Variants in RERE observed in about 807,000 individuals in gnomAD.
RERE encodes the protein arginine-glutamic acid dipeptide repeats.
In RERE, 40 loss-of-function variants were observed where a neutral mutation model predicts 146.1. The observed-to-expected ratio is 0.27, with a 90% CI of 0.21 to 0.36. The LOEUF is 0.36. Ranked by LOEUF, RERE falls within the 10% of genes least tolerant of loss-of-function variation. The pLI is 1.00. For synonymous variants in RERE, 1,003 were observed against 866.0 expected (o/e 1.16, Z -2.78); for missense variants, 1,933 against 2,138.7 (o/e 0.90, Z 1.90).
chr1:8,451,656 C>T (rs939226453), intron 11 of RERE, among the ~76,000 whole-genome samples: 2 of 152,078 alleles, frequency 1.3e-5, no homozygotes, highest in African/African-American at 2.4e-5. Flanking sequence ...TGCTGTACAC[C>T]GACAGCTCTC....
intron 2 of RERE, among the ~76,000 whole-genome samples, chr1:8,647,641 A>ATATGTGTGTG (rs371893375): frequency 0.18 from 26,419 of 148,484 alleles, 3,049 homozygotes; most frequent in East Asian, 0.51. Flanking sequence ...TAAAATATGT[A>ATATGTGTGTG]TGTGTGTGTG....
At chr1:8,464,851 T>C (rs1644576066) in intron 11 of RERE, 1 of 152,238 alleles carries the variant, frequency 6.6e-6, no homozygotes, top group African/African-American at 2.4e-5. Flanking sequence ...CATACTCATT[T>C]ATGAAGGTCT....
chr1:8,355,727 T>C lies in RERE; in HGVS notation c.4487-128A>G, dbSNP rs1037467454. 108 of 803,078 alleles carry C rather than the reference T, an allele frequency of 1.3e-4. 1 individual carries two copies. The highest frequency in any genetic ancestry group is 2.1e-5 in the Non-Finnish European group (11 of 535,304). 49.7% of individuals were successfully genotyped at this position (803,078 alleles called of 1,614,324 possible). A position where few individuals can be genotyped will look rare whatever the true frequency, so the allele number is the denominator to read the frequency against. ...CAGTTCGGACACAGGAGCCAGCCCCTCCCAGACTCTGCAGACAGCCAGAGG... is the reference window on the plus strand; with the variant it reads ...CAGTTCGGACACAGGAGCCAGCCCCCCCCAGACTCTGCAGACAGCCAGAGG... On this transcript the variant is annotated intron_variant, in intron 21 of 22. Transcript: ENST00000400908.
At chr1:8,592,221 T>C (rs1646503340) in intron 4 of RERE, among the ~76,000 whole-genome samples, 1 of 152,038 alleles carries the variant, frequency 6.6e-6, no homozygotes, top group Non-Finnish European at 1.5e-5. Context: ...TGCATTTACA[T>C]GCAAGACATA....
chr1:8,799,827 T>TC (rs1295098383), intron 1 of RERE, among the ~76,000 whole-genome samples: 1 of 151,956 alleles, frequency 6.6e-6, no homozygotes, highest in East Asian at 1.9e-4. Flanking sequence ...TTTGCTTTTT[T>TC]TTAAGATGGA....
chr1:8,747,038 G>A (rs1640435836), intron 1 of RERE, among the ~76,000 whole-genome samples: 1 of 151,788 alleles, frequency 6.6e-6, no homozygotes, highest in African/African-American at 2.4e-5. Context: ...TTGAGACGGA[G>A]TCTCGCTCTG....
At chr1:8,473,616 C>A (rs542890256) in intron 10 of RERE, among the ~76,000 whole-genome samples, 1 of 152,296 alleles carries the variant, frequency 6.6e-6, no homozygotes, top group South Asian at 2.1e-4. Flanking sequence ...CTGGGTGCTA[C>A]AATAAATTAA....
chr1:8,794,865 T>A (rs1641437312), intron 1 of RERE, among the ~76,000 whole-genome samples: 1 of 151,856 alleles, frequency 6.6e-6, no homozygotes, highest in Non-Finnish European at 1.5e-5. Flanking sequence ...CAGGTTGGAG[T>A]GCAGTGGTGC....
intron 3 of RERE, among the ~76,000 whole-genome samples, chr1:8,620,849 A>T (rs1222192093): frequency 6.6e-6 from 1 of 151,826 alleles, no homozygotes; most frequent in Non-Finnish European, 1.5e-5. Context: ...ATTCAAACAA[A>T]ATCAGACCTC....
chr1:8,515,081 C>A (rs1342652054), intron 7 of RERE, among the ~76,000 whole-genome samples: 1 of 152,316 alleles, frequency 6.6e-6, no homozygotes, highest in East Asian at 1.9e-4. Context: ...GTGTTCAAAG[C>A]AACACAGCAC....
intron 8 of RERE, among the ~76,000 whole-genome samples, chr1:8,498,811 T>C (rs895666180): frequency 5.2e-5 from 7 of 135,666 alleles, no homozygotes; most frequent in African/African-American, 2.0e-4. Flanking sequence ...ATCAGGGCAG[T>C]GATTTCTTTA....
intron 2 of RERE, among the ~76,000 whole-genome samples, chr1:8,635,947 T>C (rs1890572): frequency 0.025 from 2,697 of 108,296 alleles, 99 homozygotes; most frequent in Admixed American, 0.11. Flanking sequence ...ATTATTTTAT[T>C]TTATCTTATC....
intron 12 of RERE, among the ~76,000 whole-genome samples, chr1:8,397,728 T>TA (rs2124435289): frequency 6.6e-6 from 1 of 152,242 alleles, no homozygotes; most frequent in South Asian, 2.1e-4. Context: ...TCCTCCCCCA[T>TA]ATGCAGTAAG....
chr1:8,508,342 C>T (rs1477731968), intron 8 of RERE, among the ~76,000 whole-genome samples: 1 of 152,094 alleles, frequency 6.6e-6, no homozygotes, highest in Admixed American at 6.5e-5. Flanking sequence ...TTACTGTTTA[C>T]GGGTACAGAA....
At chr1:8,503,243 C>T (rs1458063363) in intron 8 of RERE, among the ~76,000 whole-genome samples, 1 of 151,918 alleles carries the variant, frequency 6.6e-6, no homozygotes, top group Admixed American at 6.6e-5. Flanking sequence ...CACATAAAGC[C>T]ACGAAAAAAA....
chr1:8,686,680 GT>G (rs1227858586), intron 1 of RERE, among the ~76,000 whole-genome samples: 2 of 152,184 alleles, frequency 1.3e-5, no homozygotes, highest in Non-Finnish European at 2.9e-5. Flanking sequence ...AACCCGGGAG[GT>G]GGCGGTTGCA....
chr1:8,400,261 T>C (rs1436771146), intron 12 of RERE, among the ~76,000 whole-genome samples: 22 of 151,788 alleles, frequency 1.4e-4, no homozygotes, highest in Non-Finnish European at 3.2e-4. Context: ...TGTGTACATA[T>C]ATATTATAGT....
chr1:8,589,441 A>AAAAC (rs1378358045), intron 4 of RERE, among the ~76,000 whole-genome samples: 3 of 152,214 alleles, frequency 2.0e-5, no homozygotes, highest in Non-Finnish European at 4.4e-5. Flanking sequence ...CCCTGTCTCA[A>AAAAC]AAACAAACAA....
intron 6 of RERE, among the ~76,000 whole-genome samples, chr1:8,546,270 C>T (rs1393030845): frequency 6.7e-6 from 1 of 148,214 alleles, no homozygotes; most frequent in African/African-American, 2.5e-5. Context: ...TGTGGGCCAC[C>T]ATGCCTGGAC....
Sources: allele counts gnomAD v4.1 joint callset (sites outside exome capture counted in the v4.1 genomes callset), GRCh38; gene constraint gnomAD v4.1.1; transcripts MANE v1.5; gene names NCBI Gene and HGNC (gene_info 2026-07-23, HGNC 2026-07-21).